MYLK: variants seen among roughly 807,000 people sequenced by gnomAD.
The protein encoded by MYLK is myosin light chain kinase, smooth muscle.
Under a neutral mutation model 203.4 loss-of-function variants are expected in MYLK, and 106 were observed. The ratio of observed to expected loss-of-function variants is 0.52; its 90% CI spans 0.45 to 0.61. The LOEUF (loss-of-function observed/expected upper bound fraction) is 0.61, where lower values mean the gene tolerates loss of function less well. Ranked by LOEUF, MYLK falls within the 20% of genes least tolerant of loss-of-function variation. MYLK has a pLI of 0.00. For missense variants in MYLK, 2,072 were observed against 2,442.3 expected (o/e 0.85, Z 3.20); for synonymous variants, 867 against 959.5 (o/e 0.90, Z 1.78).
chr3:123,658,274 G>A (rs143401149), intron 23 of MYLK, among the ~76,000 whole-genome samples: 68 of 152,328 alleles, frequency 4.5e-4, no homozygotes, highest in African/African-American at 1.6e-3. Flanking sequence ...CAGAAAATGA[G>A]CTGAGGACAC....
intron 3 of MYLK, among the ~76,000 whole-genome samples, chr3:123,830,991 G>A (rs1185666416): frequency 6.6e-6 from 1 of 152,156 alleles, no homozygotes; most frequent in Non-Finnish European, 1.5e-5. Flanking sequence ...ACCAAACAGA[G>A]TGCAGGTGAC....
At chr3:123,683,035 C>T (rs915737372) in intron 19 of MYLK, among the ~76,000 whole-genome samples, 4 of 53,472 alleles carry the variant, frequency 7.5e-5, no homozygotes, top group Middle Eastern at 0.013. Flanking sequence ...GCAAGCAGGG[C>T]GACATCACTT....
intron 2 of MYLK, among the ~76,000 whole-genome samples, chr3:123,836,633 G>A (rs2066480731): frequency 1.3e-5 from 2 of 152,290 alleles, no homozygotes; most frequent in African/African-American, 4.8e-5. Context: ...TGAACCTCCT[G>A]TAGGAAAGCT....
At chr3:123,718,546 T>C (rs1050612726) in intron 13 of MYLK, among the ~76,000 whole-genome samples, 5 of 152,244 alleles carry the variant, frequency 3.3e-5, no homozygotes, top group East Asian at 3.9e-4. Context: ...CAGAGGCTGC[T>C]GTCTTGCTAC....
chr3:123,620,608 C>T, intron 31 of MYLK: 1 of 1,241,060 alleles, frequency 8.1e-7, no homozygotes, highest in Non-Finnish European at 1.0e-6. Flanking sequence ...GAGACAAAAA[C>T]CCTTTTCATA....
Position 123,751,739 on chromosome 3 carries a change from G to A in MYLK, c.373+592C>T, listed in dbSNP as rs189489274. Among the ~76,000 whole-genome samples the A allele has an allele frequency of 7.0e-3, 1,067 of 152,234 alleles. 7 individuals carry two copies. Among genetic ancestry groups the A allele is most frequent in the Non-Finnish European group, 0.012 (836 of 68,016 alleles). On this transcript the variant is annotated intron_variant, in intron 5 of 33. Coordinates refer to ENST00000360304, the MANE Select transcript of MYLK (RefSeq NM_053025.4). ...ACACTGCAATGTGAGATGGTAATAC[G>A]TCCTAAAAGAAAAACCTCGAGTGGG...
At chr3:123,735,222 CGT>C in intron 9 of MYLK, 174 bp downstream of exon 9, 2 of 840,128 alleles carry the variant, frequency 2.4e-6, no homozygotes, top group South Asian at 2.9e-5. Context: ...AGATAGAACC[CGT>C]GTGTCATATT....
intron 33 of MYLK, 53 bp from the exon 34 acceptor site, chr3:123,614,402 T>A: frequency 6.2e-7 from 1 of 1,611,204 alleles, no homozygotes; most frequent in South Asian, 1.1e-5. Flanking sequence ...CAAAATTTCT[T>A]ATCAACTCAT....
intron 19 of MYLK, among the ~76,000 whole-genome samples, chr3:123,685,013 A>G (rs1464282747): frequency 6.6e-6 from 1 of 152,240 alleles, no homozygotes; most frequent in Non-Finnish European, 1.5e-5. Context: ...TGAGAGGCCC[A>G]GTTTTCCTGG....
chr3:123,724,915 T>G (rs571290080), intron 12 of MYLK, among the ~76,000 whole-genome samples: 1 of 151,826 alleles, frequency 6.6e-6, no homozygotes, highest in Non-Finnish European at 1.5e-5. Flanking sequence ...GGCTAAGTTT[T>G]GTATTTTTAG....
chr3:123,640,603 C>T lies in MYLK; in HGVS notation c.4620-99G>A. ...GTAGGCTGGGGGTAGGAGAAATTGG[C>T]AGGAAAGCCCAGGGAATGGGGGTGA... On this transcript the variant is annotated intron_variant, in intron 27 of 33. Coordinates refer to ENST00000360304, the MANE Select transcript of MYLK (RefSeq NM_053025.4). This position sits in a 1 kb window ranked among gnomAD's most constrained non-coding sequence, Gnocchi z 4.3. 1.6e-6 allele frequency: 2 copies of T among 1,252,722 alleles called. No individual in the cohort carries two copies. Among genetic ancestry groups the T allele is most frequent in the Non-Finnish European group, 1.2e-6 (1 of 868,230 alleles). The allele number at this position is 1,252,722 out of a possible 1,614,324, so 77.6% of individuals were successfully genotyped here. A position where few individuals can be genotyped will look rare whatever the true frequency, so the allele number is the denominator to read the frequency against.
intron 20 of MYLK, among the ~76,000 whole-genome samples, chr3:123,679,046 C>T (rs373139875): frequency 3.9e-5 from 6 of 152,286 alleles, no homozygotes; most frequent in Non-Finnish European, 7.4e-5. Context: ...CGGTGGCTCA[C>T]GCCTGTAATC....
chr3:123,634,444 C>A (rs1474260888), intron 29 of MYLK, among the ~76,000 whole-genome samples: 1 of 152,238 alleles, frequency 6.6e-6, no homozygotes, highest in African/African-American at 2.4e-5. Context: ...GGGCAGCTGT[C>A]ACCAGAAGAG....
chr3:123,815,101 T>G (rs2065704167), intron 3 of MYLK, among the ~76,000 whole-genome samples: 1 of 152,130 alleles, frequency 6.6e-6, no homozygotes, highest in African/African-American at 2.4e-5. Flanking sequence ...CCCCTTTATT[T>G]CCATAATAAT....
At chr3:123,814,505 CT>C (rs2065674270) in intron 3 of MYLK, among the ~76,000 whole-genome samples, 2 of 152,172 alleles carry the variant, frequency 1.3e-5, no homozygotes, top group Non-Finnish European at 2.9e-5. Context: ...TTACAAATGA[CT>C]TTTCCCCCAA....
chr3:123,778,151 G>A (rs574177718), intron 4 of MYLK, among the ~76,000 whole-genome samples: 1 of 151,960 alleles, frequency 6.6e-6, no homozygotes, highest in African/African-American at 2.4e-5. Context: ...CATCCCTAAG[G>A]GGGGGCGATA....
rs577673495 is a variant in MYLK at position 123,723,634 on chromosome 3, G to A, written c.1652-1354C>T. Among the ~76,000 whole-genome samples the A allele has an allele frequency of 4.7e-4, 71 of 152,350 alleles. 1 individual carries two copies. Among genetic ancestry groups the A allele is most frequent in the Admixed American group, 1.9e-3 (29 of 15,310 alleles). On this transcript the variant is annotated intron_variant, in intron 12 of 33. Transcript: ENST00000360304. Reference sequence around the variant, plus strand: ...GGGATGGGATGGAGGCCCCAGAAAGGAGCTGTTGGCTCAGGGCACATCAGA... The same window carrying A: ...GGGATGGGATGGAGGCCCCAGAAAGAAGCTGTTGGCTCAGGGCACATCAGA...
intron 9 of MYLK, chr3:123,735,087 A>T (rs1388601209): frequency 4.9e-6 from 2 of 407,454 alleles, no homozygotes; most frequent in Admixed American, 7.1e-5. Context: ...TCCGCCCTGG[A>T]ATGAGGAAGG....
At position 123,611,381 on chromosome 3, in the gene MYLK, A is replaced by G. The variant is rs902060498; in HGVS notation, c.*2724T>C. The G allele has an allele frequency of 3.3e-5, 5 of 152,216 alleles. No homozygotes were observed. Among genetic ancestry groups the G allele is most frequent in the African/African-American group, 1.2e-4 (5 of 41,452 alleles). 9.4% of individuals were successfully genotyped at this position (152,216 alleles called of 1,614,324 possible). ...GTATGGATAAAGCATTTGGCTGCCA[A>G]TAATGAACTGCACCAAAGTCACCAA... On this transcript the variant is annotated 3_prime_UTR_variant, in exon 34 of 34. Coordinates refer to ENST00000360304, the MANE Select transcript of MYLK (RefSeq NM_053025.4).
Sources: allele counts gnomAD v4.1 joint callset (sites outside exome capture counted in the v4.1 genomes callset), GRCh38; gene constraint gnomAD v4.1.1; non-coding constraint Gnocchi (gnomAD v3.1); transcripts MANE v1.5; gene names NCBI Gene and HGNC (gene_info 2026-07-23, HGNC 2026-07-21).